ECT2L: variants seen among roughly 807,000 people sequenced by gnomAD.
ECT2L encodes epithelial cell-transforming sequence 2 oncogene-like.
ECT2L carries 126 observed loss-of-function variants against 122.8 expected under a neutral mutation model. That is an observed-to-expected ratio of 1.03 (90% confidence interval 0.89 to 1.19). The LOEUF (loss-of-function observed/expected upper bound fraction) is 1.19. Among genes scored for constraint, ECT2L ranks in the 50% most tolerant of loss-of-function variants. ECT2L has a pLI of 0.00. For synonymous variants in ECT2L, 385 were observed against 381.8 expected (o/e 1.01, Z -0.10); for missense variants, 1,012 against 1,064.1 (o/e 0.95, Z 0.68).
intron 4 of ECT2L, among the ~76,000 whole-genome samples, chr6:138,834,463 A>C (rs966400306): frequency 1.4e-4 from 21 of 152,300 alleles, no homozygotes; most frequent in Non-Finnish European, 1.9e-4. Context: ...TACTTTTGGA[A>C]GTAATTCATA....
chr6:138,825,350 C>T (rs533586343), intron 4 of ECT2L, among the ~76,000 whole-genome samples: 3 of 152,232 alleles, frequency 2.0e-5, no homozygotes, highest in East Asian at 1.9e-4. Flanking sequence ...GAGGCTGAGG[C>T]GGGTGGATCA....
intron 13 of ECT2L, among the ~76,000 whole-genome samples, chr6:138,872,907 T>C (rs951681579): frequency 1.3e-5 from 2 of 152,216 alleles, no homozygotes; most frequent in Non-Finnish European, 2.9e-5. Flanking sequence ...TGCTTCCTCC[T>C]CTGAAGTGCC....
chr6:138,900,755 C>T (rs974293188), intron 20 of ECT2L, among the ~76,000 whole-genome samples, 193 bp from the exon 21 acceptor site: 7 of 152,150 alleles, frequency 4.6e-5, no homozygotes, highest in Non-Finnish European at 4.4e-5. Context: ...ACAGTACTGA[C>T]CTGACCTCAG....
chr6:138,845,590 A>G (rs1034042310), intron 7 of ECT2L, among the ~76,000 whole-genome samples: 14 of 152,080 alleles, frequency 9.2e-5, no homozygotes, highest in African/African-American at 2.9e-4. Flanking sequence ...CTAAGTTTCA[A>G]ATGAGGAAAC....
intron 14 of ECT2L, among the ~76,000 whole-genome samples, chr6:138,877,933 AAAAAG>A (rs869219451): frequency 2.4e-4 from 36 of 152,322 alleles, no homozygotes; most frequent in African/African-American, 7.9e-4. Flanking sequence ...AAAAATGTAA[AAAAAG>A]AAGAGTGTGT....
chr6:138,895,502 T>C (rs1032992988), intron 20 of ECT2L, among the ~76,000 whole-genome samples: 3 of 152,110 alleles, frequency 2.0e-5, no homozygotes, highest in African/African-American at 7.2e-5. Context: ...GACCAGAAGG[T>C]AGAAAGGTGA....
intron 16 of ECT2L, 101 bp from the exon 17 acceptor site, chr6:138,885,405 C>T: frequency 9.1e-7 from 1 of 1,102,400 alleles, no homozygotes; most frequent in Non-Finnish European, 1.4e-6. Flanking sequence ...ATAGATGTTG[C>T]CCTTTTGCTT....
At chr6:138,870,778 G>A (rs1778226821) in intron 13 of ECT2L, among the ~76,000 whole-genome samples, 1 of 152,170 alleles carries the variant, frequency 6.6e-6, no homozygotes, top group African/African-American at 2.4e-5. Context: ...GGAGGCCCAG[G>A]CGGGCAGATC....
rs1325905808 is a variant in ECT2L at position 138,882,743 on chromosome 6, A to T, written c.1900A>T (p.Arg634Ter). The change falls in exon 16 of 22, where the codon AGA becomes TGA. Residue 634 changes from arginine (R) to a stop codon, truncating the protein, a stop_gained. Coordinates refer to ENST00000541398, the MANE Select transcript of ECT2L (RefSeq NM_001077706.3). LOFTEE classifies it high-confidence loss of function. Reference protein sequence around the residue: ...SLNRQFLDNLRDRLQEWGPAH... With the variant: ...SLNRQFLDNL ...CCACAGGCAGTTTCTAGATAACCTG[A>T]GAGACAGACTGCAGGAATGGGGCCC... 1 of 1,614,036 alleles carries T rather than the reference A, an allele frequency of 6.2e-7. No individual in the cohort carries two copies. Among genetic ancestry groups the T allele is most frequent in the Non-Finnish European group, 8.5e-7 (1 of 1,180,018 alleles).
chr6:138,835,145 TAA>T (rs34665665), intron 4 of ECT2L, among the ~76,000 whole-genome samples: 1 of 151,920 alleles, frequency 6.6e-6, no homozygotes, highest in Admixed American at 6.6e-5. Flanking sequence ...TTTAGCCACT[TAA>T]AAAAAACTTT....
chr6:138,834,935 A>ACACTCTCT (rs5880405), intron 4 of ECT2L, among the ~76,000 whole-genome samples: 10,400 of 142,372 alleles, frequency 0.073, 489 homozygotes, highest in African/African-American at 0.13. Flanking sequence ...ACACACACAC[A>ACACTCTCT]CTCTCATTCT....
At chr6:138,880,806 G>C (rs879032916) in intron 14 of ECT2L, 151 bp from the exon 15 acceptor site, 3 of 639,038 alleles carry the variant, frequency 4.7e-6, no homozygotes, top group African/African-American at 1.8e-5. Context: ...CTAGGGACAA[G>C]TGATGGACAG....
At position 138,882,858 on chromosome 6, in the gene ECT2L, A is replaced by G; in HGVS notation, c.2015A>G (p.Lys672Arg). The G allele has an allele frequency of 6.2e-7, 1 of 1,614,120 alleles. No individual in the cohort carries two copies. The highest frequency in any genetic ancestry group is 8.5e-7 in the Non-Finnish European group (1 of 1,180,006). The change falls in exon 16 of 22, where the codon AAA becomes AGA. Residue 672 changes from lysine to arginine, a missense_variant. Physicochemically the swap from Lys to Arg is conservative, Grantham distance 26. Coordinates refer to ENST00000541398, the MANE Select transcript of ECT2L (RefSeq NM_001077706.3). ...NFFNNYPVIL[K>R]TIEKCREMIP... ...TTCAACAATTACCCTGTCATTCTGA[A>G]AACTATTGAGAAGGTAAATGAGTTT...
At chr6:138,832,026 CA>C (rs78047376) in intron 4 of ECT2L, among the ~76,000 whole-genome samples, 13,565 of 151,018 alleles carry the variant, frequency 0.09, 853 homozygotes, top group East Asian at 0.28. Flanking sequence ...GAAATGTCTT[CA>C]ATTTTTTTTA....
intron 13 of ECT2L, among the ~76,000 whole-genome samples, chr6:138,873,880 G>GTA (rs1778344873): frequency 8.8e-6 from 1 of 113,704 alleles, no homozygotes; most frequent in Non-Finnish European, 1.9e-5. Flanking sequence ...GACTGTGTGT[G>GTA]TGTGTGTGTG....
intron 4 of ECT2L, among the ~76,000 whole-genome samples, chr6:138,836,078 G>T (rs1776825993): frequency 6.6e-6 from 1 of 152,116 alleles, no homozygotes; most frequent in Non-Finnish European, 1.5e-5. Context: ...GTTCTCAGTG[G>T]ATCGCGTCGG....
chr6:138,883,306 G>C (rs1002913816), intron 16 of ECT2L, among the ~76,000 whole-genome samples: 1 of 152,174 alleles, frequency 6.6e-6, no homozygotes, highest in African/African-American at 2.4e-5. Context: ...GAATGTCTTG[G>C]TCTTACATTT....
intron 16 of ECT2L, 34 bp downstream of exon 16, chr6:138,882,905 C>T (rs369523240): frequency 3.5e-4 from 567 of 1,607,016 alleles, no homozygotes; most frequent in Middle Eastern, 8.4e-4. Context: ...TTCTATAAGA[C>T]CTGAGCTAGA....
chr6:138,898,450 T>C (rs1048670535), intron 20 of ECT2L, among the ~76,000 whole-genome samples: 31 of 152,212 alleles, frequency 2.0e-4, no homozygotes, highest in African/African-American at 6.0e-4. Flanking sequence ...TAGCTGAACC[T>C]GAAACATGGT....
Sources: gnomAD v4.1 joint callset for allele counts (sites outside exome capture counted in the v4.1 genomes callset) on GRCh38, gnomAD v4.1.1 for gene constraint, MANE v1.5 for transcripts, NCBI Gene and HGNC (gene_info 2026-07-23, HGNC 2026-07-21) for gene names.